The following ERBB4 variants were observed in gnomAD, a reference collection of about 807,000 sequenced individuals.
ERBB4 encodes the protein receptor tyrosine-protein kinase erbB-4.
Under a neutral mutation model 158.0 loss-of-function variants are expected in ERBB4, and 42 were observed. The observed-to-expected ratio is 0.27, with a 90% confidence interval of 0.21 to 0.34. The LOEUF is 0.34. Among genes scored for constraint, ERBB4 ranks in the 10% least tolerant of loss-of-function variants. The pLI is 1.00. For synonymous variants in ERBB4, 583 were observed against 558.7 expected, an observed-to-expected ratio of 1.04 and a Z score of -0.61; for missense variants, 1,333 against 1,624.1, an observed-to-expected ratio of 0.82 and a Z score of 3.08.
intron 4 of ERBB4, among the ~76,000 whole-genome samples, chr2:211,759,126 A>G (rs566177455): frequency 6.6e-6 from 1 of 152,176 alleles, no homozygotes; most frequent in Non-Finnish European, 1.5e-5. Flanking sequence ...AGTCATCCTC[A>G]GCTCTGTTTT....
intron 2 of ERBB4, among the ~76,000 whole-genome samples, chr2:212,084,449 C>G (rs757513056): frequency 6.6e-6 from 1 of 151,876 alleles, no homozygotes. Flanking sequence ...TACTCAGATT[C>G]TCAAATAAAG....
At chr2:211,449,755 A>C (rs2064197131) in intron 20 of ERBB4, among the ~76,000 whole-genome samples, 1 of 152,244 alleles carries the variant, frequency 6.6e-6, no homozygotes, top group African/African-American at 2.4e-5. Flanking sequence ...TGGATACAAT[A>C]GTCTTTGCCT....
chr2:211,468,651 A>C (rs941039022), intron 20 of ERBB4, among the ~76,000 whole-genome samples: 3 of 152,134 alleles, frequency 2.0e-5, no homozygotes, highest in Non-Finnish European at 4.4e-5. Flanking sequence ...TGAGCAAATG[A>C]GGCTAATGAA....
chr2:211,810,773 C>T (rs1415689389), intron 3 of ERBB4, among the ~76,000 whole-genome samples: 11 of 149,434 alleles, frequency 7.4e-5, no homozygotes, highest in African/African-American at 1.7e-4. Context: ...CCCGGGTTCA[C>T]GCCATTCTCC....
At chr2:212,224,953 T>C (rs79618771) in intron 1 of ERBB4, among the ~76,000 whole-genome samples, 9,568 of 152,194 alleles carry the variant, frequency 0.063, 358 homozygotes, top group Non-Finnish European at 0.082. Context: ...TTGTTCTTTA[T>C]ACTGTTGAAT....
At chr2:212,158,057 C>T (rs1300789111) in intron 1 of ERBB4, among the ~76,000 whole-genome samples, 1 of 151,944 alleles carries the variant, frequency 6.6e-6, no homozygotes, top group Non-Finnish European at 1.5e-5. Context: ...TAATATTTGC[C>T]GAACACTTAC....
At chr2:212,057,126 A>G (rs1288031094) in intron 2 of ERBB4, among the ~76,000 whole-genome samples, 1 of 152,214 alleles carries the variant, frequency 6.6e-6, no homozygotes, top group Admixed American at 6.5e-5. Flanking sequence ...CAGCGGTTGC[A>G]ATCCTAGTCT....
intron 3 of ERBB4, among the ~76,000 whole-genome samples, chr2:211,827,592 T>C (rs993554778): frequency 6.6e-6 from 1 of 151,970 alleles, no homozygotes; most frequent in Admixed American, 6.6e-5. Flanking sequence ...TGATATACAG[T>C]TCTTTTTTTA....
intron 1 of ERBB4, among the ~76,000 whole-genome samples, chr2:212,192,535 A>T (rs1179087940): frequency 6.6e-6 from 1 of 152,040 alleles, no homozygotes; most frequent in African/African-American, 2.4e-5. Flanking sequence ...TAGCTGAAAA[A>T]GGCTATTGGG....
chr2:212,203,072 A>G (rs2105906686), intron 1 of ERBB4, among the ~76,000 whole-genome samples: 1 of 152,138 alleles, frequency 6.6e-6, no homozygotes, highest in Non-Finnish European at 1.5e-5. Flanking sequence ...CGAGTCAGAA[A>G]TCTGTCCTCT....
At chr2:212,530,017 GAC>G (rs1692663503) in intron 1 of ERBB4, among the ~76,000 whole-genome samples, 1 of 152,068 alleles carries the variant, frequency 6.6e-6, no homozygotes, top group African/African-American at 2.4e-5. Flanking sequence ...AGAAATTGAA[GAC>G]AGTTTTAGCA....
chr2:212,127,739 T>A (rs1416248130), intron 1 of ERBB4, among the ~76,000 whole-genome samples: 1 of 151,848 alleles, frequency 6.6e-6, no homozygotes, highest in Admixed American at 6.6e-5. Context: ...AAGAGGAAAA[T>A]ACCACGTGCA....
intron 1 of ERBB4, among the ~76,000 whole-genome samples, chr2:212,159,910 G>A (rs1290003856): frequency 1.3e-5 from 2 of 151,866 alleles, no homozygotes; most frequent in African/African-American, 4.8e-5. Flanking sequence ...CTGACAAACT[G>A]AAAATGTACA....
intron 1 of ERBB4, among the ~76,000 whole-genome samples, chr2:212,241,529 A>G (rs527766954): frequency 6.6e-6 from 1 of 152,236 alleles, no homozygotes; most frequent in South Asian, 2.1e-4. Context: ...CTATTATCTT[A>G]GAAACTAATA....
intron 1 of ERBB4, among the ~76,000 whole-genome samples, chr2:212,134,870 A>G (rs534512542): frequency 6.6e-6 from 1 of 151,896 alleles, no homozygotes; most frequent in South Asian, 2.1e-4. Context: ...TATTTTTAGT[A>G]GGGATGGGGG....
chr2:211,742,541 T>C (rs780668185), intron 5 of ERBB4, among the ~76,000 whole-genome samples: 3 of 152,148 alleles, frequency 2.0e-5, no homozygotes, highest in Non-Finnish European at 2.9e-5. Context: ...CATGTATATA[T>C]GTATGACATT....
At chr2:211,826,909 G>A (rs2077111102) in intron 3 of ERBB4, among the ~76,000 whole-genome samples, 1 of 151,974 alleles carries the variant, frequency 6.6e-6, no homozygotes. Context: ...GTTATTTGCA[G>A]AGATGGCTTT....
intron 9 of ERBB4, among the ~76,000 whole-genome samples, chr2:211,709,256 T>TATATATATATATATATATATACAC (rs2073584680): frequency 1.4e-5 from 1 of 71,168 alleles, no homozygotes; most frequent in African/African-American, 6.4e-5. Context: ...TATATACACA[T>TATATATATATATATATATATACAC]ATATATATAT....
intron 3 of ERBB4, among the ~76,000 whole-genome samples, chr2:211,929,746 G>C (rs986290681): frequency 6.6e-6 from 1 of 152,168 alleles, no homozygotes; most frequent in Non-Finnish European, 1.5e-5. Flanking sequence ...GGATGTGTCA[G>C]TGACACACAA....
Sources: gnomAD v4.1 joint callset for allele counts (sites outside exome capture counted in the v4.1 genomes callset) on GRCh38, gnomAD v4.1.1 for gene constraint, MANE v1.5 for transcripts, NCBI Gene and HGNC (gene_info 2026-07-23, HGNC 2026-07-21) for gene names.